Variants in ACACA observed in about 807,000 individuals in gnomAD.
ACACA encodes the protein acetyl-CoA carboxylase alpha.
Under a neutral mutation model 296.1 loss-of-function variants are expected in ACACA, and 103 were observed. The ratio of observed to expected loss-of-function variants is 0.35; its 90% CI spans 0.30 to 0.41. The LOEUF (loss-of-function observed/expected upper bound fraction) is 0.41. ACACA is among the 10% of genes least tolerant of loss of function. The pLI is 1.00. For missense variants in ACACA, 1,554 were observed against 2,989.7 expected, an observed-to-expected ratio of 0.52 and a Z score of 11.20; for synonymous variants, 953 against 1,038.6, an observed-to-expected ratio of 0.92 and a Z score of 1.58.
intron 35 of ACACA, among the ~76,000 whole-genome samples, chr17:37,199,295 CTTAG>C (rs34165656): frequency 0.13 from 19,575 of 151,250 alleles, 1,865 homozygotes; most frequent in East Asian, 0.44. Flanking sequence ...CCTCTAGAAT[CTTAG>C]TTAGCTACAT....
At chr17:37,192,500 G>A (rs887695425) in intron 36 of ACACA, among the ~76,000 whole-genome samples, 195 bp from the exon 37 acceptor site, 1 of 151,960 alleles carries the variant, frequency 6.6e-6, no homozygotes, top group African/African-American at 2.4e-5. Flanking sequence ...TATTATATAG[G>A]TACTTTATAG....
At chr17:37,188,566 G>A in intron 38 of ACACA, 86 bp from the exon 39 acceptor site, 2 of 1,449,336 alleles carry the variant, frequency 1.4e-6, no homozygotes, top group Non-Finnish European at 1.9e-6. Flanking sequence ...GAGAAAGAAG[G>A]GGTAAAAAAA....
chr17:37,231,313 G>T (rs1598261724), intron 25 of ACACA, among the ~76,000 whole-genome samples: 1 of 151,746 alleles, frequency 6.6e-6, no homozygotes, highest in Admixed American at 6.6e-5. Context: ...AATTCAAAAC[G>T]AAAAGAATGT....
intron 52 of ACACA, among the ~76,000 whole-genome samples, chr17:37,099,522 C>T (rs1354991850): frequency 7.7e-5 from 11 of 143,656 alleles, no homozygotes; most frequent in Admixed American, 2.1e-4. Context: ...AGCAGGAGGG[C>T]TGATGGGAGG....
chr17:37,370,389 G>A (rs2147671810), intron 1 of ACACA, among the ~76,000 whole-genome samples: 2 of 149,988 alleles, frequency 1.3e-5, no homozygotes, highest in South Asian at 2.1e-4. Flanking sequence ...GCTCACGCCT[G>A]TAATCCTAGC....
intron 3 of ACACA, chr17:37,289,272 CAAAAAA>C: frequency 2.7e-6 from 1 of 364,740 alleles, no homozygotes; most frequent in African/African-American, 2.5e-5. Flanking sequence ...AAAAAAAAAA[CAAAAAA>C]CAAAAAAATC....
At chr17:37,280,143 C>T (rs2082446893) in intron 5 of ACACA, among the ~76,000 whole-genome samples, 1 of 151,866 alleles carries the variant, frequency 6.6e-6, no homozygotes, top group Non-Finnish European at 1.5e-5. Context: ...TCAATGTCTT[C>T]AATTTTGTGA....
intron 1 of ACACA, among the ~76,000 whole-genome samples, chr17:37,397,039 C>A (rs935725310): frequency 6.6e-6 from 1 of 150,954 alleles, no homozygotes. Context: ...CCTCCCCCAT[C>A]CCCCCACCCC....
chr17:37,156,602 G>GT (rs2076262340), intron 42 of ACACA, among the ~76,000 whole-genome samples: 1 of 152,088 alleles, frequency 6.6e-6, no homozygotes, highest in Non-Finnish European at 1.5e-5. Context: ...CAGATCTTTT[G>GT]TTTTTTCAAT....
At chr17:37,260,140 C>T (rs565577635) in intron 11 of ACACA, among the ~76,000 whole-genome samples, 67 of 149,666 alleles carry the variant, frequency 4.5e-4, no homozygotes, top group Non-Finnish European at 8.7e-4. Context: ...CCTTGGCCTA[C>T]CAAAGTGCTG....
chr17:37,340,674 T>C (rs1159522997), intron 1 of ACACA, among the ~76,000 whole-genome samples: 1 of 152,170 alleles, frequency 6.6e-6, no homozygotes, highest in Non-Finnish European at 1.5e-5. Context: ...CATTTAGGAA[T>C]ATTAGGATTT....
At chr17:37,328,264 A>G (rs1306357731) in intron 3 of ACACA, among the ~76,000 whole-genome samples, 1 of 152,192 alleles carries the variant, frequency 6.6e-6, no homozygotes, top group Admixed American at 6.5e-5. Context: ...TAGTTTTCCC[A>G]ACTATCAAAA....
chr17:37,277,801 G>T, intron 6 of ACACA, 95 bp downstream of exon 6: 1 of 964,880 alleles, frequency 1.0e-6, no homozygotes. Flanking sequence ...TTTCGAAAAT[G>T]ATGCTTTACA....
intron 45 of ACACA, among the ~76,000 whole-genome samples, chr17:37,149,252 C>T (rs2075941950): frequency 6.6e-6 from 1 of 152,218 alleles, no homozygotes; most frequent in Non-Finnish European, 1.5e-5. Flanking sequence ...TCCATGCATC[C>T]ATCCACCCAT....
At chr17:37,288,732 T>C (rs1411361906) in intron 3 of ACACA, among the ~76,000 whole-genome samples, 1 of 151,812 alleles carries the variant, frequency 6.6e-6, no homozygotes, top group Admixed American at 6.6e-5. Flanking sequence ...AGCTCATCTA[T>C]ACAAAAAAAT....
At chr17:37,178,778 G>A (rs369422570) in intron 41 of ACACA, among the ~76,000 whole-genome samples, 105 of 152,250 alleles carry the variant, frequency 6.9e-4, no homozygotes, top group African/African-American at 2.4e-3. Context: ...TCCAGCCTGT[G>A]TGACAGAGCG....
intron 1 of ACACA, among the ~76,000 whole-genome samples, chr17:37,401,583 G>A (rs1291058168): frequency 3.6e-5 from 5 of 138,708 alleles, no homozygotes; most frequent in Non-Finnish European, 7.7e-5. Context: ...TTTTCCAGAC[G>A]AGGTCTCACT....
chr17:37,085,374 G>A lies in ACACA; in HGVS notation c.*1942C>T, dbSNP rs773300335. 2.6e-6 allele frequency: 1 copy of A among 381,668 alleles called. No individual in the cohort carries two copies. Among genetic ancestry groups the A allele is most frequent in the Admixed American group, 4.5e-5 (1 of 22,124 alleles). The allele number at this position is 381,668 out of a possible 1,614,324, so 23.6% of individuals were successfully genotyped here. On this transcript the variant is annotated 3_prime_UTR_variant, in exon 56 of 56. Coordinates refer to ENST00000616317, the MANE Select transcript of ACACA (RefSeq NM_198834.3). The stretch of plus-strand genomic sequence containing the variant: ...GTCATAATTTGGTGGGGAGAGGGGA[G>A]GTAAATGAGTGTAACCCACCCTGCC...
chr17:37,224,948 C>A, intron 27 of ACACA, 44 bp downstream of exon 27: 1 of 879,812 alleles, frequency 1.1e-6, no homozygotes, highest in Non-Finnish European at 1.6e-6. Flanking sequence ...GGTAAGAGTC[C>A]AGATAGGCAG....
Sources: gnomAD v4.1 joint callset for allele counts (sites outside exome capture counted in the v4.1 genomes callset) on GRCh38, gnomAD v4.1.1 for gene constraint, MANE v1.5 for transcripts, NCBI Gene and HGNC (gene_info 2026-07-23, HGNC 2026-07-21) for gene names.